The following NR3C2 variants were observed in gnomAD, a reference collection of about 807,000 sequenced individuals.
NR3C2 encodes nuclear receptor subfamily 3 group C member 2, also known as mineralocorticoid receptor.
In NR3C2, 15 loss-of-function variants were observed where a neutral mutation model predicts 86.4. The observed-to-expected ratio is 0.17, with a 90% CI of 0.12 to 0.27. The LOEUF (loss-of-function observed/expected upper bound fraction) is 0.27, where lower values mean the gene tolerates loss of function less well. Ranked by LOEUF, NR3C2 falls within the 10% of genes least tolerant of loss-of-function variation. The pLI, the probability that NR3C2 is intolerant of heterozygous loss-of-function variation, is 1.00. For synonymous variants in NR3C2, 458 were observed against 450.5 expected, an observed-to-expected ratio of 1.02 and a Z score of -0.21; for missense variants, 960 against 1,195.6, an observed-to-expected ratio of 0.80 and a Z score of 2.91.
upstream of NR3C2, chr4:148,444,783 C>T (rs1278976954): frequency 3.0e-6 from 3 of 984,892 alleles, no homozygotes; most frequent in African/African-American, 1.7e-5. Context: ...CCCCCAGCGG[C>T]GGCGGCCGGG....
chr4:148,097,296 G>C (rs1300969344), intron 8 of NR3C2, among the ~76,000 whole-genome samples: 4 of 152,096 alleles, frequency 2.6e-5, no homozygotes. Flanking sequence ...ACATTTCCTG[G>C]GGGTTACATA....
intron 2 of NR3C2, among the ~76,000 whole-genome samples, chr4:148,305,540 T>TAA (rs3054606): frequency 0.19 from 25,358 of 134,550 alleles, 2,482 homozygotes; most frequent in Admixed American, 0.27. Flanking sequence ...CATTCTTTCT[T>TAA]AAAAAAAAAA....
chr4:148,097,740 C>CGTT, intron 8 of NR3C2, among the ~76,000 whole-genome samples: 1 of 99,874 alleles, frequency 1.0e-5, no homozygotes, highest in Middle Eastern at 6.0e-3. Flanking sequence ...GACTTTTTTG[C>CGTT]GTTTTTTTTT....
intron 2 of NR3C2, among the ~76,000 whole-genome samples, chr4:148,377,121 A>T (rs867456261): frequency 1.3e-5 from 2 of 152,220 alleles, no homozygotes; most frequent in African/African-American, 2.4e-5. Context: ...TAGGGAAGGA[A>T]GACAAAAGAA....
At chr4:148,289,048 T>C (rs1346699771) in intron 2 of NR3C2, among the ~76,000 whole-genome samples, 1 of 152,074 alleles carries the variant, frequency 6.6e-6, no homozygotes, top group East Asian at 1.9e-4. Flanking sequence ...CCAAACAGAA[T>C]ATATGTGGTT....
At chr4:148,205,222 C>T (rs1736943373) in intron 3 of NR3C2, among the ~76,000 whole-genome samples, 1 of 152,226 alleles carries the variant, frequency 6.6e-6, no homozygotes, top group Admixed American at 6.5e-5. Flanking sequence ...CTTCTACCAA[C>T]AATCTAAAAT....
chr4:148,314,281 T>C (rs1473741187), intron 2 of NR3C2, among the ~76,000 whole-genome samples: 1 of 152,218 alleles, frequency 6.6e-6, no homozygotes, highest in Non-Finnish European at 1.5e-5. Flanking sequence ...ATGCAAGTTA[T>C]GCTATTTTTA....
intron 2 of NR3C2, among the ~76,000 whole-genome samples, chr4:148,311,803 C>A (rs1579138791): frequency 6.6e-6 from 1 of 152,208 alleles, no homozygotes; most frequent in East Asian, 1.9e-4. Context: ...GCCATGCTGG[C>A]CTCCTTGATG....
At chr4:148,178,349 T>C (rs925174955) in intron 4 of NR3C2, among the ~76,000 whole-genome samples, 2 of 151,864 alleles carry the variant, frequency 1.3e-5, no homozygotes, top group East Asian at 1.9e-4. Context: ...CCTTCAGTAG[T>C]TCTGTTCCAA....
chr4:148,444,894 C>T (rs1750509608), upstream of NR3C2: 1 of 984,986 alleles, frequency 1.0e-6, no homozygotes. Flanking sequence ...GCGCCCGCCG[C>T]TCCGCAGCGC....
intron 8 of NR3C2, among the ~76,000 whole-genome samples, chr4:148,104,832 G>C (rs778174684): frequency 6.6e-6 from 1 of 152,082 alleles, no homozygotes. Context: ...CACCAAGATG[G>C]CTGAAAGAAA....
intron 2 of NR3C2, among the ~76,000 whole-genome samples, chr4:148,419,651 T>C (rs1049298083): frequency 3.9e-5 from 6 of 152,254 alleles, no homozygotes; most frequent in Non-Finnish European, 8.8e-5. Context: ...CAGTGACTGA[T>C]GATCAATCTG....
intron 3 of NR3C2, chr4:148,208,048 G>A (rs79184549): frequency 0.019 from 2,850 of 152,280 alleles, 41 homozygotes; most frequent in Middle Eastern, 0.034. Context: ...ACTGACAAAC[G>A]GGGAACTACT....
chr4:148,403,873 A>G (rs1269674464), intron 2 of NR3C2, among the ~76,000 whole-genome samples: 4 of 152,070 alleles, frequency 2.6e-5, no homozygotes, highest in Non-Finnish European at 4.4e-5. Context: ...TCTATTTTAA[A>G]CATACTAGGA....
At chr4:148,196,037 A>T (rs1736426222) in intron 3 of NR3C2, among the ~76,000 whole-genome samples, 1 of 152,154 alleles carries the variant, frequency 6.6e-6, no homozygotes, top group South Asian at 2.1e-4. Context: ...CTAAGGACAG[A>T]AGTAGAGAGA....
intron 2 of NR3C2, among the ~76,000 whole-genome samples, chr4:148,420,975 C>T (rs1749253442): frequency 6.6e-6 from 1 of 152,282 alleles, no homozygotes; most frequent in Admixed American, 6.5e-5. Context: ...GAGCCAATTA[C>T]CTTTCTTTAT....
intron 6 of NR3C2, among the ~76,000 whole-genome samples, chr4:148,144,842 A>G (rs1300068105): frequency 6.6e-6 from 1 of 152,198 alleles, no homozygotes; most frequent in Non-Finnish European, 1.5e-5. Flanking sequence ...TTTTCTACTT[A>G]TGACGTTGCT....
chr4:148,294,136 T>C lies in NR3C2; in HGVS notation c.1758-34019A>G, dbSNP rs141886217. ...TCTCCATGGGCAAAAGGAGCTAGGTTCGAATTGCATTTTTTCCACTTAGCA... is the reference window on the plus strand; with the variant it reads ...TCTCCATGGGCAAAAGGAGCTAGGTCCGAATTGCATTTTTTCCACTTAGCA... On this transcript the variant is annotated intron_variant, in intron 2 of 8. Transcript: ENST00000358102. 2.4e-3 allele frequency among the ~76,000 whole-genome samples: 370 copies of C among 152,262 alleles called. 14 individuals are homozygous for C. In the East Asian group the frequency reaches 0.065, roughly 27 times the overall value.
Position 148,285,838 on chromosome 4 carries a change from AG to A in NR3C2, c.1758-25722del, listed in dbSNP as rs551622182. The stretch of plus-strand genomic sequence containing the variant: ...AGTCAAATGTACTGTTACCTTAAAA[AG>A]TGCGATGCTTTCTTGCATAATTCCT... On this transcript the variant is annotated intron_variant, in intron 2 of 8. Coordinates refer to ENST00000358102, the MANE Select transcript of NR3C2 (RefSeq NM_000901.5). Among the ~76,000 whole-genome samples, 18 of 152,374 alleles carry A rather than the reference AG, an allele frequency of 1.2e-4. 1 individual carries two copies. The highest frequency in any genetic ancestry group is 1.1e-3 in the Admixed American group (17 of 15,304).
Sources: gnomAD v4.1 joint callset for allele counts (sites outside exome capture counted in the v4.1 genomes callset) on GRCh38, gnomAD v4.1.1 for gene constraint, MANE v1.5 for transcripts, NCBI Gene and HGNC (gene_info 2026-07-23, HGNC 2026-07-21) for gene names.